The following DOCK2 variants were observed in gnomAD, a reference collection of about 807,000 sequenced individuals.
DOCK2 encodes dedicator of cytokinesis protein 2.
Under a neutral mutation model 248.9 loss-of-function variants are expected in DOCK2, and 87 were observed. The ratio of observed to expected loss-of-function variants is 0.35; its 90% confidence interval spans 0.29 to 0.42. DOCK2 has a LOEUF of 0.42. Among genes scored for constraint, DOCK2 ranks in the 10% least tolerant of loss-of-function variants. The pLI is 1.00. For missense variants in DOCK2, 1,747 were observed against 2,300.2 expected (o/e 0.76, Z 4.92); for synonymous variants, 805 against 821.6 (o/e 0.98, Z 0.35).
At chr5:169,698,086 G>C (rs769499263) in intron 10 of DOCK2, among the ~76,000 whole-genome samples, 1 of 152,150 alleles carries the variant, frequency 6.6e-6, no homozygotes, top group Non-Finnish European at 1.5e-5. Flanking sequence ...CCACAGCCAC[G>C]GCTCTGACCC....
chr5:169,849,397 G>C (rs1770499259), intron 27 of DOCK2, among the ~76,000 whole-genome samples: 3 of 152,192 alleles, frequency 2.0e-5, no homozygotes, highest in African/African-American at 4.8e-5. Context: ...CCCTTAAATA[G>C]TGTATTGTAC....
At chr5:169,938,375 C>A (rs1386305851) in intron 27 of DOCK2, among the ~76,000 whole-genome samples, 1 of 152,110 alleles carries the variant, frequency 6.6e-6, no homozygotes, top group Non-Finnish European at 1.5e-5. Context: ...AGTGTACTCA[C>A]ACGAAGCTAG....
intron 26 of DOCK2, among the ~76,000 whole-genome samples, chr5:169,805,039 G>A (rs1767270960): frequency 6.6e-6 from 1 of 152,068 alleles, no homozygotes; most frequent in South Asian, 2.1e-4. Flanking sequence ...TACTCATAGT[G>A]TAGAAACATG....
chr5:169,830,749 T>G (rs1769171724), intron 26 of DOCK2, among the ~76,000 whole-genome samples: 1 of 152,252 alleles, frequency 6.6e-6, no homozygotes, highest in African/African-American at 2.4e-5. Flanking sequence ...GTTTCATAGT[T>G]GTGCCTTTTA....
chr5:169,744,958 T>C (rs1763525689), intron 22 of DOCK2, among the ~76,000 whole-genome samples: 1 of 152,156 alleles, frequency 6.6e-6, no homozygotes, highest in African/African-American at 2.4e-5. Context: ...CTGTAAATGA[T>C]TGGGAAGCCA....
At chr5:170,015,399 C>T (rs553991073) in intron 32 of DOCK2, among the ~76,000 whole-genome samples, 56 of 152,206 alleles carry the variant, frequency 3.7e-4, no homozygotes, top group South Asian at 2.1e-4. Flanking sequence ...GAAGACTCTA[C>T]GGGGCCTGGA....
chr5:169,891,284 C>T (rs983343756), intron 27 of DOCK2, among the ~76,000 whole-genome samples: 17 of 152,232 alleles, frequency 1.1e-4, no homozygotes, highest in African/African-American at 4.1e-4. Flanking sequence ...TGCAGCAAAA[C>T]CCTGTCCTAT....
intron 26 of DOCK2, among the ~76,000 whole-genome samples, chr5:169,830,165 T>G (rs1391684889): frequency 6.6e-6 from 1 of 152,272 alleles, no homozygotes; most frequent in African/African-American, 2.4e-5. Context: ...TCTGTGGCTC[T>G]GGACAAGTTG....
At chr5:170,048,440 C>T (rs1022986191) in intron 40 of DOCK2, among the ~76,000 whole-genome samples, 2 of 152,082 alleles carry the variant, frequency 1.3e-5, no homozygotes, top group Non-Finnish European at 2.9e-5. Context: ...CTAATAAACC[C>T]ATTACATGTT....
chr5:169,787,131 C>T (rs982565834), intron 25 of DOCK2, among the ~76,000 whole-genome samples: 1 of 152,202 alleles, frequency 6.6e-6, no homozygotes, highest in Non-Finnish European at 1.5e-5. Flanking sequence ...CAAGATCACA[C>T]AGACAATAAC....
At chr5:170,033,213 C>G (rs1436955917) in intron 34 of DOCK2, among the ~76,000 whole-genome samples, 1 of 152,154 alleles carries the variant, frequency 6.6e-6, no homozygotes, top group East Asian at 1.9e-4. Flanking sequence ...TGTTTCTCCC[C>G]ACCTAGTCTG....
chr5:169,805,212 T>C (rs765668754), intron 26 of DOCK2, among the ~76,000 whole-genome samples: 9 of 131,362 alleles, frequency 6.9e-5, no homozygotes, highest in Non-Finnish European at 9.3e-5. Flanking sequence ...GACCTCTGTC[T>C]CTACAAAAAA....
At chr5:169,804,794 T>G (rs1490898084) in intron 26 of DOCK2, among the ~76,000 whole-genome samples, 1 of 152,180 alleles carries the variant, frequency 6.6e-6, no homozygotes, top group Non-Finnish European at 1.5e-5. Flanking sequence ...TCAGACTCTG[T>G]GTAATCACAG....
At chr5:169,925,908 G>A (rs1775424988) in intron 27 of DOCK2, among the ~76,000 whole-genome samples, 1 of 152,184 alleles carries the variant, frequency 6.6e-6, no homozygotes. Context: ...TTTAGGTCTT[G>A]TGTTTCCCGC....
At chr5:169,745,701 T>G (rs1763573482) in intron 22 of DOCK2, among the ~76,000 whole-genome samples, 1 of 151,702 alleles carries the variant, frequency 6.6e-6, no homozygotes, top group Admixed American at 6.6e-5. Flanking sequence ...TTGTGAGGAG[T>G]GAGTGATTTC....
At chr5:169,817,822 C>T (rs1177450291) in intron 26 of DOCK2, among the ~76,000 whole-genome samples, 2 of 152,168 alleles carry the variant, frequency 1.3e-5, no homozygotes, top group African/African-American at 2.4e-5. Context: ...GGCATAGTGC[C>T]GAACTCCGAG....
chr5:170,004,333 C>G (rs1347083118), intron 30 of DOCK2, among the ~76,000 whole-genome samples: 1 of 152,186 alleles, frequency 6.6e-6, no homozygotes, highest in Non-Finnish European at 1.5e-5. Flanking sequence ...CTCTCCAGCA[C>G]CTGTTGTTTC....
chr5:169,826,779 G>A (rs1768891437), intron 26 of DOCK2, among the ~76,000 whole-genome samples: 2 of 152,130 alleles, frequency 1.3e-5, no homozygotes, highest in Non-Finnish European at 2.9e-5. Flanking sequence ...TATGTTGCAT[G>A]TTTCTCCCAG....
intron 6 of DOCK2, among the ~76,000 whole-genome samples, chr5:169,679,499 G>A (rs1340550115): frequency 6.6e-6 from 1 of 152,164 alleles, no homozygotes; most frequent in Non-Finnish European, 1.5e-5. Context: ...ATCCTCAAAT[G>A]ACTTCTTCAC....
Sources: allele counts gnomAD v4.1 joint callset (sites outside exome capture counted in the v4.1 genomes callset), GRCh38; gene constraint gnomAD v4.1.1; transcripts MANE v1.5; gene names NCBI Gene and HGNC (gene_info 2026-07-23, HGNC 2026-07-21).